The following FRMPD4 variants were observed in gnomAD, a reference collection of about 807,000 sequenced individuals.
FRMPD4 encodes the protein FERM and PDZ domain containing 4.
In FRMPD4, 22 loss-of-function variants were observed where a neutral mutation model predicts 94.1. The ratio of observed to expected loss-of-function variants is 0.23; its 90% CI spans 0.17 to 0.33. FRMPD4 has a LOEUF of 0.33. Ranked by LOEUF, FRMPD4 falls within the 10% of genes least tolerant of loss-of-function variation. The pLI is 1.00. For missense variants in FRMPD4, 1,111 were observed against 1,339.9 expected (o/e 0.83, Z 2.67); for synonymous variants, 631 against 548.6 (o/e 1.15, Z -2.10).
At chrX:12,075,115 G>A (rs1293001682) in intron 3 of FRMPD4, among the ~76,000 whole-genome samples, 1 of 112,206 alleles carries the variant, frequency 8.9e-6, no homozygotes, top group Non-Finnish European at 1.9e-5. Flanking sequence ...TAGGAGGAGG[G>A]AGAAGTGAAA....
chrX:12,175,645 C>G (rs780724813), intron 1 of FRMPD4, among the ~76,000 whole-genome samples: 1 of 112,061 alleles, frequency 8.9e-6, no homozygotes, highest in African/African-American at 3.2e-5. Context: ...TCCCGAGTAG[C>G]TGGGATTATA....
At chrX:12,699,366 G>A (rs2060164770) in intron 9 of FRMPD4, among the ~76,000 whole-genome samples, 1 of 112,646 alleles carries the variant, frequency 8.9e-6, no homozygotes, top group Non-Finnish European at 1.9e-5. Flanking sequence ...ATAGGTTTAA[G>A]ATTTTAAGGA....
chrX:12,547,865 A>G (rs1371391336), intron 2 of FRMPD4, among the ~76,000 whole-genome samples: 1 of 112,193 alleles, frequency 8.9e-6, no homozygotes, highest in Non-Finnish European at 1.9e-5. Context: ...ACAAAAGTAA[A>G]CAGACATTTG....
intron 3 of FRMPD4, among the ~76,000 whole-genome samples, chrX:12,119,841 G>T (rs751494286): frequency 8.9e-6 from 1 of 112,604 alleles, no homozygotes; most frequent in South Asian, 3.7e-4. Flanking sequence ...TTGTATAAAT[G>T]TATCTGTAGA....
chrX:12,349,390 C>T (rs764657636), intron 1 of FRMPD4, among the ~76,000 whole-genome samples: 5 of 110,080 alleles, frequency 4.5e-5, no homozygotes, highest in East Asian at 2.9e-4. Context: ...ACCTGGGGAG[C>T]GAGGGGGTCG....
intron 3 of FRMPD4, among the ~76,000 whole-genome samples, chrX:12,076,374 GGAGA>G (rs1203790294): frequency 9.4e-6 from 1 of 106,688 alleles, no homozygotes; most frequent in African/African-American, 3.4e-5. Context: ...GTGTGTGTGT[GGAGA>G]GAGAGAGAGA....
intron 4 of FRMPD4, among the ~76,000 whole-genome samples, chrX:12,653,544 A>G (rs1048011414): frequency 1.8e-5 from 2 of 111,850 alleles, no homozygotes; most frequent in African/African-American, 6.5e-5. Flanking sequence ...GGCTCTGCCC[A>G]CTGGCAAGAG....
chrX:12,216,266 G>A (rs766726031), intron 1 of FRMPD4, among the ~76,000 whole-genome samples: 12 of 111,295 alleles, frequency 1.1e-4, no homozygotes, highest in Non-Finnish European at 2.1e-4. Flanking sequence ...TTCAGGCATC[G>A]CTTCACTCCC....
At chrX:11,878,036 A>G (rs906692165) in intron 3 of FRMPD4, among the ~76,000 whole-genome samples, 2 of 111,999 alleles carry the variant, frequency 1.8e-5, no homozygotes, top group Non-Finnish European at 3.8e-5. Context: ...ATGGTCTTCA[A>G]GGAAAAAATA....
At chrX:12,605,781 C>A (rs930072816) in intron 2 of FRMPD4, among the ~76,000 whole-genome samples, 7 of 111,185 alleles carry the variant, frequency 6.3e-5, no homozygotes, top group Non-Finnish European at 1.3e-4. Context: ...CCCTGCTGAT[C>A]ATTACAGCAC....
At chrX:12,657,137 T>C (rs1384937295) in intron 4 of FRMPD4, among the ~76,000 whole-genome samples, 3 of 109,684 alleles carry the variant, frequency 2.7e-5, no homozygotes, top group South Asian at 4.0e-4. Flanking sequence ...ATCAACAACA[T>C]TATTATCTCA....
At chrX:11,983,037 T>C (rs915506996) in intron 3 of FRMPD4, among the ~76,000 whole-genome samples, 2 of 111,847 alleles carry the variant, frequency 1.8e-5, no homozygotes, top group African/African-American at 6.5e-5. Context: ...AAAATATTGA[T>C]GCTTGTTCCT....
At position 12,717,525 on chromosome X, in the gene FRMPD4, G is replaced by C. The variant is rs1446689253; in HGVS notation, c.2699G>C (p.Ser900Thr). The change falls in exon 16 of 17, where the codon AGT becomes ACT. Residue 900 changes from serine (S) to threonine (T), a missense_variant. Ser to Thr is a moderately conservative substitution (Grantham distance 58, BLOSUM62 1). Transcript: ENST00000675598. ...GGTGTAGCCATCTTGCGGGCTTATAGTCCTGAGTCTTCGTCAGACTCGGGC... is the reference window on the plus strand; with the variant it reads ...GGTGTAGCCATCTTGCGGGCTTATACTCCTGAGTCTTCGTCAGACTCGGGC... Reference protein sequence around the residue: ...NSGVAILRAYSPESSSDSGNE... With the variant: ...NSGVAILRAYTPESSSDSGNE... 2 of 1,200,227 alleles carry C rather than the reference G, an allele frequency of 1.7e-6. No homozygotes were observed. The highest frequency in any genetic ancestry group is 1.1e-6 in the Non-Finnish European group (1 of 885,161).
intron 3 of FRMPD4, among the ~76,000 whole-genome samples, chrX:12,020,199 A>T (rs779306614): frequency 8.9e-6 from 1 of 112,324 alleles, no homozygotes; most frequent in South Asian, 3.7e-4. Context: ...TTAAAAAGTT[A>T]TCTGGATTTT....
At chrX:12,146,823 G>A (rs2055775829) in intron 1 of FRMPD4, among the ~76,000 whole-genome samples, 1 of 112,093 alleles carries the variant, frequency 8.9e-6, no homozygotes, top group Non-Finnish European at 1.9e-5. Context: ...CTGATGGTGT[G>A]GGGGAGCTCT....
At chrX:12,521,973 G>A (rs955234867) in intron 2 of FRMPD4, among the ~76,000 whole-genome samples, 1 of 111,236 alleles carries the variant, frequency 9.0e-6, no homozygotes, top group South Asian at 3.8e-4. Flanking sequence ...GCTATAGGAG[G>A]GCAATGATAT....
At chrX:12,694,740 C>G (rs1441591764) in intron 9 of FRMPD4, among the ~76,000 whole-genome samples, 1 of 112,108 alleles carries the variant, frequency 8.9e-6, no homozygotes, top group Non-Finnish European at 1.9e-5. Flanking sequence ...TACACGTTTT[C>G]TCTGCCCACA....
At chrX:11,930,772 A>G (rs753039306) in intron 3 of FRMPD4, among the ~76,000 whole-genome samples, 7 of 111,706 alleles carry the variant, frequency 6.3e-5, no homozygotes, top group Non-Finnish European at 1.3e-4. Flanking sequence ...AGGGGAGGCA[A>G]TTTGATAATC....
chrX:12,213,647 A>T (rs1308523526), intron 1 of FRMPD4, among the ~76,000 whole-genome samples: 1 of 112,133 alleles, frequency 8.9e-6, no homozygotes, highest in East Asian at 2.8e-4. Flanking sequence ...GAAGTAACCT[A>T]CTGAATTTCT....
Sources: gnomAD v4.1 joint callset for allele counts (sites outside exome capture counted in the v4.1 genomes callset) on GRCh38, gnomAD v4.1.1 for gene constraint, MANE v1.5 for transcripts, NCBI Gene and HGNC (gene_info 2026-07-23, HGNC 2026-07-21) for gene names.